DIDO1: variants seen among roughly 807,000 people sequenced by gnomAD.
The protein encoded by DIDO1 is death inducer-obliterator 1, also known as death-inducer obliterator 1.
In DIDO1, 16 loss-of-function variants were observed where a neutral mutation model predicts 99.4. The ratio of observed to expected loss-of-function variants is 0.16; its 90% CI spans 0.11 to 0.24. DIDO1 has a LOEUF of 0.24. DIDO1 is among the 10% of genes least tolerant of loss of function. The probability of loss-of-function intolerance (pLI) is 1.00; values close to 1 mark genes in which losing one functional copy is unlikely to be tolerated. For synonymous variants in DIDO1, 1,366 were observed against 1,239.1 expected, an observed-to-expected ratio of 1.10 and a Z score of -2.15; for missense variants, 2,996 against 3,014.0, an observed-to-expected ratio of 0.99 and a Z score of 0.14.
intron 15 of DIDO1, chr20:62,887,606 C>A (rs2064316310): frequency 1.0e-6 from 1 of 985,564 alleles, no homozygotes; most frequent in Middle Eastern, 5.2e-4. Context: ...GGCTCCGAGG[C>A]CTGCGGCTTC....
intron 6 of DIDO1, chr20:62,905,517 T>G (rs1458437465): frequency 2.6e-6 from 4 of 1,550,804 alleles, no homozygotes. Flanking sequence ...ACAACTCATG[T>G]GCAGACAGGG....
At position 62,881,417 on chromosome 20, in the gene DIDO1, G is replaced by A. The variant is rs1469276769; in HGVS notation, c.4539C>T (p.His1513=). 6.2e-7 allele frequency: 1 copy of A among 1,608,084 alleles called. No individual in the cohort carries two copies. The highest frequency in any genetic ancestry group is 8.5e-7 in the Non-Finnish European group (1 of 1,179,972). ...ACATCAAGGCGTCCGACACCGAGAA[G>A]TGGGCCATGGAGACCCCGACGGCGG... The part of the protein sequence containing the change: ...QRAAVGVSMA[H]FSVSDALMSP... The change falls in exon 16 of 16, where the codon CAC becomes CAT. Residue 1513 remains histidine (H), a synonymous_variant. Coordinates refer to ENST00000395343, the MANE Select transcript of DIDO1 (RefSeq NM_001193369.2). The surrounding 1 kb of genome is among the most constrained non-coding windows in gnomAD (Gnocchi z 8.3).
rs766917205 is a variant in DIDO1, at chr20:62,881,348, C to A, written c.4608G>T (p.Gln1536His). The part of the protein sequence containing the change: ...KSSLPKAELF[Q>H]QEQQSADKPA... ...GCTTGTCTGCAGACTGCTGCTCTTG[C>A]TGGAACAGCTCTGCCTTGGGCAAGG... The change falls in exon 16 of 16, where the codon CAG becomes CAT. Residue 1536 changes from glutamine (Q) to histidine (H), a missense_variant. This residue lies in a region of DIDO1 where 1,562 missense variants were observed against 1,412.6 expected (regional missense o/e 1.11). Coordinates refer to ENST00000395343, the MANE Select transcript of DIDO1 (RefSeq NM_001193369.2). The surrounding 1 kb of genome is among the most constrained non-coding windows in gnomAD (Gnocchi z 8.3). 5 of 1,605,458 alleles carry A rather than the reference C, an allele frequency of 3.1e-6. No individual in the cohort carries two copies. The highest frequency in any genetic ancestry group is 3.4e-6 in the Non-Finnish European group (4 of 1,179,886).
At chr20:62,892,763 T>G in intron 13 of DIDO1, 46 bp downstream of exon 13, 1 of 1,569,862 alleles carries the variant, frequency 6.4e-7, no homozygotes, top group South Asian at 1.1e-5. Flanking sequence ...GTTTAGAAAC[T>G]CCTATGAAAG....
chr20:62,920,487 CCA>C (rs1381641332), intron 1 of DIDO1, among the ~76,000 whole-genome samples: 4 of 152,190 alleles, frequency 2.6e-5, no homozygotes, highest in Non-Finnish European at 4.4e-5. Context: ...CAGATTGATT[CCA>C]CACTTGCCCC....
chr20:62,936,275 C>T (rs1195668983), intron 1 of DIDO1, among the ~76,000 whole-genome samples: 2 of 152,026 alleles, frequency 1.3e-5, no homozygotes, highest in Non-Finnish European at 2.9e-5. Context: ...AAAAATAGGC[C>T]GGATGCGGTG....
At chr20:62,883,301 T>A (rs903860176) in intron 15 of DIDO1, among the ~76,000 whole-genome samples, 12 of 152,184 alleles carry the variant, frequency 7.9e-5, no homozygotes, top group African/African-American at 2.9e-4. Flanking sequence ...AATAAAGTCA[T>A]AATAATCAAT....
intron 1 of DIDO1, among the ~76,000 whole-genome samples, chr20:62,918,526 T>C (rs931687333): frequency 6.6e-6 from 1 of 152,202 alleles, no homozygotes; most frequent in Non-Finnish European, 1.5e-5. Flanking sequence ...ACAACCATAA[T>C]TAAGTTTCTA....
chr20:62,928,698 G>A (rs1317341936), upstream of DIDO1: 1 of 152,200 alleles, frequency 6.6e-6, no homozygotes, highest in East Asian at 1.9e-4. Context: ...TCAATAAATT[G>A]TTCCTTAAAT....
chr20:62,929,427 G>A (rs2065301474), upstream of DIDO1: 1 of 152,232 alleles, frequency 6.6e-6, no homozygotes. Flanking sequence ...GATTCTTGCA[G>A]ACCTCTGCCG....
intron 14 of DIDO1, among the ~76,000 whole-genome samples, chr20:62,891,637 A>C (rs1469907895): frequency 6.6e-6 from 1 of 152,226 alleles, no homozygotes; most frequent in African/African-American, 2.4e-5. Flanking sequence ...ATCATAAAAA[A>C]ACAAGAAAAT....
rs936491889 is a variant in DIDO1 at position 62,911,113 on chromosome 20, C to T, written c.500G>A (p.Arg167His). ...CTCCTGTTCCCGCTTCCTGCGAAGG[C>T]GATTCTGAAGCTCTTTCAAGGTCAG... ...DGLTLKELQNRLRRKREQEPT... is the reference protein window; with the variant it reads ...DGLTLKELQNHLRRKREQEPT... The change falls in exon 3 of 16, where the codon CGC (arginine) becomes CAC (histidine). Residue 167 changes from arginine (R) to histidine (H), a missense_variant. Physicochemically the swap from Arg to His is conservative, Grantham distance 29. Around this residue, in one of 5 missense-constraint regions of DIDO1, gnomAD observed 388 missense variants for 376.6 expected, o/e 1.03. Transcript: ENST00000395343. This position sits in a 1 kb window ranked among gnomAD's most constrained non-coding sequence, Gnocchi z 7.0. 3.1e-6 allele frequency: 5 copies of T among 1,614,070 alleles called. No homozygotes were observed. The highest frequency in any genetic ancestry group is 1.7e-5 in the Admixed American group (1 of 60,030).
chr20:62,937,532 CCCA>C (rs913707986), intron 1 of DIDO1, among the ~76,000 whole-genome samples: 68 of 152,368 alleles, frequency 4.5e-4, no homozygotes, highest in African/African-American at 1.5e-3. Context: ...CTTCTGATTC[CCCA>C]CCTGGCCTCG....
chr20:62,910,058 G>T, intron 3 of DIDO1, 38 bp from the exon 4 acceptor site: 1 of 1,579,872 alleles, frequency 6.3e-7, no homozygotes, highest in South Asian at 1.1e-5. Context: ...AATGGGACGT[G>T]AGTGACAAGC....
Position 62,882,204 on chromosome 20 carries a change from G to A in DIDO1, c.3752C>T (p.Ala1251Val), listed in dbSNP as rs766896594. The change falls in exon 16 of 16, where the codon GCG (alanine) becomes GTG (valine). Residue 1251 changes from alanine (A) to valine (V), a missense_variant. By Grantham distance (64) the Ala-to-Val change is moderately conservative. Coordinates refer to ENST00000395343, the MANE Select transcript of DIDO1 (RefSeq NM_001193369.2). The stretch of plus-strand genomic sequence containing the variant: ...CCCAGGAGGTGTGGTGCTGACAGCC[G>A]CGTCTGCAGAGCAGAGTGGATACTT... ...PSKYPLCSAD[A>V]AVSTTPPGSP... 2 of 1,613,528 alleles carry A rather than the reference G, an allele frequency of 1.2e-6. No homozygotes were observed. The highest frequency in any genetic ancestry group is 1.3e-5 in the African/African-American group (1 of 74,924).
In DIDO1 at chr20:62,896,224, G is replaced by A. The variant is rs929088463; in HGVS notation, c.2214+9C>T. The A allele has an allele frequency of 1.9e-6, 3 of 1,611,590 alleles. No homozygotes were observed. Among genetic ancestry groups the A allele is most frequent in the Non-Finnish European group, 2.5e-6 (3 of 1,179,146 alleles). On this transcript the variant is annotated intron_variant, in intron 8 of 15. Transcript: ENST00000395343. The surrounding 1 kb of genome is among the most constrained non-coding windows in gnomAD (Gnocchi z 4.4). ...GGAATACTCCAATGCACCGACACCA[G>A]GCACACACCTGATTTTTAGGGTCCT...
Position 62,893,796 on chromosome 20 carries a change from T to G in DIDO1, c.2971A>C (p.Met991Leu), listed in dbSNP as rs575036269. 1 of 1,614,128 alleles carries G rather than the reference T, an allele frequency of 6.2e-7. No individual in the cohort carries two copies. Among genetic ancestry groups the G allele is most frequent in the Admixed American group, 1.7e-5 (1 of 60,030 alleles). Reference sequence around the variant, plus strand: ...GGCACATCCTGTCTGGCTTCCACCATGTGGGTGCTGTCTGGGCGGGATGCT... The same window carrying G: ...GGCACATCCTGTCTGGCTTCCACCAGGTGGGTGCTGTCTGGGCGGGATGCT... ...SAASRPDSTH[M>L]VEARQDVPKP... Residue 991 changes from methionine to leucine, a missense_variant, in exon 12 of 16, where the codon ATG (methionine) becomes CTG (leucine). By Grantham distance (15) the Met-to-Leu change is conservative. Transcript: ENST00000395343.
In DIDO1 at chr20:62,881,706, G is replaced by C; in HGVS notation, c.4250C>G (p.Ala1417Gly). Reference protein sequence around the residue: ...RHEVERAPEAAAAEREEVAYD... With the variant: ...RHEVERAPEAGAAEREEVAYD... ...GGCCACCTCTTCCCGCTCGGCTGCAGCTGCTTCAGGAGCCCTTTCCACCTC... is the reference window on the plus strand; with the variant it reads ...GGCCACCTCTTCCCGCTCGGCTGCACCTGCTTCAGGAGCCCTTTCCACCTC... The change falls in exon 16 of 16, where the codon GCT becomes GGT. Residue 1417 changes from alanine (A) to glycine (G), a missense_variant. Physicochemically the swap from Ala to Gly is moderately conservative, Grantham distance 60. Coordinates refer to ENST00000395343, the MANE Select transcript of DIDO1 (RefSeq NM_001193369.2). The surrounding 1 kb of genome is among the most constrained non-coding windows in gnomAD (Gnocchi z 8.3). The C allele has an allele frequency of 6.2e-7, 1 of 1,612,938 alleles. No homozygotes were observed. The highest frequency in any genetic ancestry group is 8.5e-7 in the Non-Finnish European group (1 of 1,180,024).
upstream of DIDO1, among the ~76,000 whole-genome samples, chr20:62,927,616 G>A (rs1437969807): frequency 6.6e-6 from 1 of 152,246 alleles, no homozygotes; most frequent in Non-Finnish European, 1.5e-5. Context: ...TTTGGCGTTG[G>A]CCCTGGCCAA....
Sources: gnomAD v4.1 joint callset for allele counts (sites outside exome capture counted in the v4.1 genomes callset) on GRCh38, gnomAD v4.1.1 for gene constraint, gnomAD v4.1.1 regional missense constraint, Gnocchi (gnomAD v3.1) non-coding constraint, MANE v1.5 for transcripts, NCBI Gene and HGNC (gene_info 2026-07-23, HGNC 2026-07-21) for gene names.